The following KIR3DL1 variants were observed in gnomAD, a reference collection of about 807,000 sequenced individuals.
The protein encoded by KIR3DL1 is killer cell immunoglobulin like receptor, three Ig domains and long cytoplasmic tail 1, also known as killer cell immunoglobulin-like receptor 3DL1.
KIR3DL1 carries 50 observed loss-of-function variants against 40.3 expected under a neutral mutation model. The ratio of observed to expected loss-of-function variants is 1.24; its 90% confidence interval spans 0.99 to 1.57. The LOEUF (loss-of-function observed/expected upper bound fraction) is 1.57. Among genes scored for constraint, KIR3DL1 ranks in the 40% most tolerant of loss-of-function variants. The pLI, the probability that KIR3DL1 is intolerant of heterozygous loss-of-function variation, is 0.00. For synonymous variants in KIR3DL1, 257 were observed against 207.2 expected, an observed-to-expected ratio of 1.24 and a Z score of -2.07; for missense variants, 661 against 559.9, an observed-to-expected ratio of 1.18 and a Z score of -1.82.
exon 5 of KIR3DL1, chr19:54,821,696 G>C: frequency 6.2e-7 from 1 of 1,609,650 alleles, no homozygotes; most frequent in Non-Finnish European, 8.5e-7. Context: ...GGGAGCCCAT[G>C]AACGTAGGCT....
chr19:54,830,381 G>C lies in KIR3DL1; in HGVS notation c.*106G>C. On this transcript the variant is annotated 3_prime_UTR_variant, in exon 9 of 9. Coordinates refer to ENST00000391728, the Ensembl canonical transcript of KIR3DL1. ...CAGCAGCTGGAATCTGAAGGCGTGA[G>C]TCTTCATCTTAGGGCATCGCTCCTC... 6 of 1,281,536 alleles carry C rather than the reference G, an allele frequency of 4.7e-6. 1 individual carries two copies. The highest frequency in any genetic ancestry group is 1.9e-4 in the Middle Eastern group (1 of 5,278). The allele number at this position is 1,281,536 out of a possible 1,614,324, so 79.4% of individuals were successfully genotyped here. A position where few individuals can be genotyped will look rare whatever the true frequency, so the allele number is the denominator to read the frequency against.
At chr19:54,818,316 T>A (rs1224707659) in exon 3 of KIR3DL1, 6 of 1,597,014 alleles carry the variant, frequency 3.8e-6, no homozygotes, top group Middle Eastern at 1.7e-4. Context: ...CTCCCCCAGG[T>A]GGTCAGGACA....
intron 5 of KIR3DL1, among the ~76,000 whole-genome samples, chr19:54,824,586 G>C (rs2061789902): frequency 6.6e-6 from 1 of 151,444 alleles, no homozygotes; most frequent in South Asian, 2.1e-4. Context: ...TGAGGCAAGA[G>C]AATTGCTTGA....
chr19:54,826,850 T>C (rs981244366), intron 6 of KIR3DL1, among the ~76,000 whole-genome samples: 69 of 151,446 alleles, frequency 4.6e-4, no homozygotes, highest in African/African-American at 1.7e-3. Flanking sequence ...GTGGGGAGAA[T>C]GACAAGACGA....
chr19:54,830,134 C>T (rs112943025), exon 9 of KIR3DL1: 70,128 of 1,523,032 alleles, frequency 0.046, 13,872 homozygotes, highest in East Asian at 0.13. Flanking sequence ...AGGTGACATA[C>T]GCACAGTTGG....
intron 6 of KIR3DL1, 43 bp from the exon 7 acceptor site, chr19:54,829,318 A>T (rs112361278): frequency 0.18 from 240,110 of 1,314,008 alleles, 42,518 homozygotes; most frequent in Middle Eastern, 0.2. Context: ...ATATAGAGAA[A>T]CTGCTATGAT....
At chr19:54,825,772 A>C (rs985131131) in intron 6 of KIR3DL1, among the ~76,000 whole-genome samples, 10 of 150,768 alleles carry the variant, frequency 6.6e-5, no homozygotes, top group Admixed American at 3.3e-4. Context: ...ATTCCAGGCA[A>C]GAATCTGCTT....
exon 4 of KIR3DL1, chr19:54,819,989 A>T: frequency 6.2e-7 from 1 of 1,610,926 alleles, no homozygotes; most frequent in Non-Finnish European, 8.5e-7. Context: ...GCTCCCAGTG[A>T]TCCCCTGGAC....
chr19:54,826,687 T>A (rs2061909769), intron 6 of KIR3DL1, among the ~76,000 whole-genome samples: 1 of 149,356 alleles, frequency 6.7e-6, no homozygotes, highest in South Asian at 2.1e-4. Flanking sequence ...GTCTCACTAA[T>A]CAGATATTTG....
chr19:54,823,985 CCA>C (rs1288991169), intron 5 of KIR3DL1, among the ~76,000 whole-genome samples: 2 of 151,058 alleles, frequency 1.3e-5, no homozygotes, highest in Non-Finnish European at 2.9e-5. Flanking sequence ...TCTTATATTT[CCA>C]GTTATTAATC....
chr19:54,818,627 A>C (rs375417096), intron 3 of KIR3DL1, 28 bp downstream of exon 3: 19 of 1,595,812 alleles, frequency 1.2e-5, no homozygotes, highest in East Asian at 4.5e-5. Flanking sequence ...TGGGCTTCTC[A>C]CTGTCCCACC....
chr19:54,826,893 AG>A (rs1285890140), intron 6 of KIR3DL1, among the ~76,000 whole-genome samples: 1 of 151,854 alleles, frequency 6.6e-6, no homozygotes, highest in Non-Finnish European at 1.5e-5. Context: ...CTGGGTACAC[AG>A]GAAACTAAGG....
In KIR3DL1 at chr19:54,817,458, C is replaced by T. The variant is rs568810152; in HGVS notation, c.35-76C>T. On this transcript the variant is annotated intron_variant, in intron 1 of 8. Coordinates refer to ENST00000391728, the Ensembl canonical transcript of KIR3DL1. The stretch of plus-strand genomic sequence containing the variant: ...CCCAGCAAGGGCCTGGCTGCCAAGA[C>T]GCACAGCCCAGTGGGGGCAGCAGGG... 3.0e-4 allele frequency: 369 copies of T among 1,236,352 alleles called. 10 individuals are homozygous for T. The highest frequency in any genetic ancestry group is 4.7e-4 in the South Asian group (39 of 82,400). 76.6% of individuals were successfully genotyped at this position (1,236,352 alleles called of 1,614,324 possible). A position where few individuals can be genotyped will look rare whatever the true frequency, so the allele number is the denominator to read the frequency against.
In KIR3DL1 at chr19:54,819,834, G is replaced by C; in HGVS notation, c.477G>C (p.Gly159=). ...AGCACTTCTTTCTGCACAAAGAGGG[G>C]ATCTCTAAGGACCCCTCACGCCTCG... Residue 159 remains glycine (G), a synonymous_variant, in exon 4 of 9, where the codon GGG becomes GGC. Coordinates refer to ENST00000391728, the Ensembl canonical transcript of KIR3DL1. 4 of 1,611,960 alleles carry C rather than the reference G, an allele frequency of 2.5e-6. No individual in the cohort carries two copies. The African/African-American group carries it at 5.4e-5, about 22-fold the overall frequency.
intron 5 of KIR3DL1, among the ~76,000 whole-genome samples, chr19:54,824,227 A>T (rs1210984839): frequency 6.6e-6 from 1 of 151,458 alleles, no homozygotes; most frequent in Non-Finnish European, 1.5e-5. Context: ...CAGGCCTTAG[A>T]CTCATGTTTT....
chr19:54,822,712 C>G lies in KIR3DL1; in HGVS notation c.949+854C>G, dbSNP rs1259163352. Among the ~76,000 whole-genome samples, 10 of 150,088 alleles carry G rather than the reference C, an allele frequency of 6.7e-5. 1 individual carries two copies. Among genetic ancestry groups the G allele is most frequent in the African/African-American group, 2.5e-4 (10 of 40,272 alleles). On this transcript the variant is annotated intron_variant, in intron 5 of 8. Coordinates refer to ENST00000391728, the Ensembl canonical transcript of KIR3DL1. ...CCTCTGGTGTCCACCATTGTATTCT[C>G]CACCTTCATGAGATCCACCTTTTAT...
At chr19:54,826,063 T>C (rs1306527240) in intron 6 of KIR3DL1, among the ~76,000 whole-genome samples, 2 of 151,180 alleles carry the variant, frequency 1.3e-5, no homozygotes, top group Admixed American at 6.6e-5. Flanking sequence ...CGTAATTCCA[T>C]CTGCAATCTT....
intron 2 of KIR3DL1, 87 bp from the exon 3 acceptor site, chr19:54,818,228 G>C (rs1488691878): frequency 2.1e-6 from 3 of 1,457,564 alleles, no homozygotes; most frequent in African/African-American, 3.1e-5. Flanking sequence ...GCCTTAGAAA[G>C]TGGAAATGGG....
chr19:54,824,685 CAA>C (rs1162667016), intron 5 of KIR3DL1, among the ~76,000 whole-genome samples: 1 of 101,604 alleles, frequency 9.8e-6, no homozygotes, highest in African/African-American at 3.4e-5. Context: ...CACACACACA[CAA>C]AAAAAGCCAT....
Sources: gnomAD v4.1 joint callset for allele counts (sites outside exome capture counted in the v4.1 genomes callset) on GRCh38, gnomAD v4.1.1 for gene constraint, MANE v1.5 for transcripts, NCBI Gene and HGNC (gene_info 2026-07-23, HGNC 2026-07-21) for gene names.